The following MFAP3L variants were observed in gnomAD, a reference collection of about 807,000 sequenced individuals.
MFAP3L encodes microfibrillar-associated protein 3-like.
Under a neutral mutation model 20.0 loss-of-function variants are expected in MFAP3L, and 5 were observed. The ratio of observed to expected loss-of-function variants is 0.25; its 90% CI spans 0.13 to 0.53. The LOEUF is 0.53. Ranked by LOEUF, MFAP3L falls within the 20% of genes least tolerant of loss-of-function variation. The pLI is 0.96. For missense variants in MFAP3L, 409 were observed against 527.5 expected (o/e 0.78, Z 2.20); for synonymous variants, 219 against 213.0 (o/e 1.03, Z -0.25).
intron 1 of MFAP3L, among the ~76,000 whole-genome samples, chr4:170,020,680 T>C (rs75543899): frequency 0.16 from 20,088 of 125,326 alleles, 1,569 homozygotes; most frequent in South Asian, 0.34. Flanking sequence ...TCCTCCCATC[T>C]CCCCAACCCC....
chr4:170,003,733 A>G (rs756723803), intron 2 of MFAP3L: 5 of 985,462 alleles, frequency 5.1e-6, no homozygotes, highest in Non-Finnish European at 6.0e-6. Context: ...CCTTTGATTC[A>G]GTCACCGTGG....
At chr4:170,003,848 A>G in intron 2 of MFAP3L, 1 of 985,484 alleles carries the variant, frequency 1.0e-6, no homozygotes, top group South Asian at 4.7e-5. Flanking sequence ...GTGTGACATC[A>G]CTGCCTTCTG....
At chr4:170,018,908 T>C (rs908380094) in intron 1 of MFAP3L, among the ~76,000 whole-genome samples, 3 of 152,216 alleles carry the variant, frequency 2.0e-5, no homozygotes, top group Non-Finnish European at 4.4e-5. Flanking sequence ...TGCCTAGCTT[T>C]AGCGGTAAGC....
chr4:170,004,320 T>C (rs927738540), intron 2 of MFAP3L, among the ~76,000 whole-genome samples: 1 of 152,138 alleles, frequency 6.6e-6, no homozygotes, highest in Non-Finnish European at 1.5e-5. Flanking sequence ...TCAATGTGAG[T>C]TCTAATTTAA....
rs895675029 is a variant in MFAP3L, at chr4:169,990,680, G to C, written c.*698C>G. 3 of 152,456 alleles carry C rather than the reference G, an allele frequency of 2.0e-5. No individual in the cohort carries two copies. The highest frequency in any genetic ancestry group is 7.2e-5 in the African/African-American group (3 of 41,380). 9.4% of individuals were successfully genotyped at this position (152,456 alleles called of 1,614,324 possible). ...CTCAGTTTCGTTTAACAGCAGCTTC[G>C]TTGGAAACAAACAAAAAAAGCTATC... is the stretch of plus-strand genomic sequence containing the variant. On this transcript the variant is annotated 3_prime_UTR_variant, in exon 3 of 3. Transcript: ENST00000361618.
Position 169,992,382 on chromosome 4 carries a change from AGAACATCTAT to A in MFAP3L, c.299-83_299-74del, listed in dbSNP as rs1224005067. 1.6e-5 allele frequency: 21 copies of A among 1,296,124 alleles called. No individual in the cohort carries two copies. Among genetic ancestry groups the A allele is most frequent in the African/African-American group, 1.5e-4 (10 of 67,290 alleles). The allele number at this position is 1,296,124 out of a possible 1,614,324, so 80.3% of individuals were successfully genotyped here. ...ATGACTACAAACTGATACGTTTCTA[AGAACATCTAT>A]GAACATCTATGAAGAACATCTATGA... is the stretch of plus-strand genomic sequence containing the variant. On this transcript the variant is annotated intron_variant, in intron 2 of 2. Transcript: ENST00000361618. This position sits in a 1 kb window ranked among gnomAD's most constrained non-coding sequence, Gnocchi z 4.3.
rs1737757288 is a variant in MFAP3L at position 169,992,143 on chromosome 4, G to A, written c.465C>T (p.Val155=). ...CGATGGTGAAGGCCACCAGGCACACGACCATGTAGTAGACACCCATGTCTC... is the reference window on the plus strand; with the variant it reads ...CGATGGTGAAGGCCACCAGGCACACAACCATGTAGTAGACACCCATGTCTC... ...TSGDMGVYYM[V]VCLVAFTIVM... is the part of the protein sequence containing the mutation. The change falls in exon 3 of 3, where the codon GTC becomes GTT. Residue 155 remains valine, a synonymous_variant. Transcript: ENST00000361618. The surrounding 1 kb of genome is among the most constrained non-coding windows in gnomAD (Gnocchi z 4.3). The A allele has an allele frequency of 1.2e-6, 2 of 1,614,112 alleles. No homozygotes were observed. Among genetic ancestry groups the A allele is most frequent in the South Asian group, 1.1e-5 (1 of 91,054 alleles).
chr4:170,015,508 C>T (rs78661960), intron 1 of MFAP3L, among the ~76,000 whole-genome samples: 1,691 of 152,318 alleles, frequency 0.011, 36 homozygotes, highest in African/African-American at 0.039. Flanking sequence ...TTGTGCGCCA[C>T]GCAGCCTGTG....
At chr4:169,997,690 G>C (rs928585248) in intron 2 of MFAP3L, 1 of 984,716 alleles carries the variant, frequency 1.0e-6, no homozygotes, top group South Asian at 4.7e-5. Flanking sequence ...ACGGCTGCCT[G>C]GCTGGGTAGG....
intron 1 of MFAP3L, among the ~76,000 whole-genome samples, chr4:170,008,166 A>G (rs974554702): frequency 1.3e-5 from 2 of 152,126 alleles, no homozygotes; most frequent in Non-Finnish European, 2.9e-5. Flanking sequence ...ACCTTACGAG[A>G]TACAGAAGCA....
chr4:170,020,786 T>A (rs1179037272), intron 1 of MFAP3L, among the ~76,000 whole-genome samples: 1 of 152,016 alleles, frequency 6.6e-6, no homozygotes, highest in African/African-American at 2.4e-5. Flanking sequence ...AACCCCTAGC[T>A]TTGAGGTCTT....
At chr4:170,019,047 C>T (rs139304289) in intron 1 of MFAP3L, among the ~76,000 whole-genome samples, 5 of 152,354 alleles carry the variant, frequency 3.3e-5, no homozygotes, top group South Asian at 2.1e-4. Context: ...GGGAGCCAAA[C>T]ACTAACTTAG....
At chr4:170,018,448 G>A (rs1402157194) in intron 1 of MFAP3L, among the ~76,000 whole-genome samples, 1 of 152,126 alleles carries the variant, frequency 6.6e-6, no homozygotes, top group Admixed American at 6.5e-5. Context: ...AGAGGACTTT[G>A]GAACATTTGA....
At chr4:170,017,552 C>T (rs1170646471) in intron 1 of MFAP3L, among the ~76,000 whole-genome samples, 1 of 152,238 alleles carries the variant, frequency 6.6e-6, no homozygotes, top group East Asian at 1.9e-4. Context: ...CACATCTTCT[C>T]TCAGTCCAGG....
At chr4:169,996,410 C>T (rs1738168597) in intron 2 of MFAP3L, among the ~76,000 whole-genome samples, 2 of 152,004 alleles carry the variant, frequency 1.3e-5, no homozygotes, top group South Asian at 2.1e-4. Flanking sequence ...GAGTTAGACA[C>T]GACCCCTGAC....
At chr4:170,020,762 T>C (rs560481860) in intron 1 of MFAP3L, among the ~76,000 whole-genome samples, 10 of 151,914 alleles carry the variant, frequency 6.6e-5, no homozygotes, top group South Asian at 4.2e-4. Context: ...CTTCCTTACC[T>C]TGCACATCTG....
chr4:170,025,988 G>T (rs906378365), intron 1 of MFAP3L, among the ~76,000 whole-genome samples: 4 of 152,192 alleles, frequency 2.6e-5, no homozygotes, highest in Non-Finnish European at 2.9e-5. Flanking sequence ...TACGGTTCGA[G>T]CCCAGGATGC....
At chr4:170,022,600 T>C (rs1275756115) in intron 1 of MFAP3L, among the ~76,000 whole-genome samples, 1 of 152,182 alleles carries the variant, frequency 6.6e-6, no homozygotes, top group Non-Finnish European at 1.5e-5. Flanking sequence ...ATTTTGCAGT[T>C]CTGGGGCACG....
chr4:169,999,634 G>T (rs1738471403), intron 2 of MFAP3L, among the ~76,000 whole-genome samples: 1 of 152,176 alleles, frequency 6.6e-6, no homozygotes, highest in South Asian at 2.1e-4. Flanking sequence ...TATCTGAAAT[G>T]GATCTGGAAG....
Sources: gnomAD v4.1 joint callset for allele counts (sites outside exome capture counted in the v4.1 genomes callset) on GRCh38, gnomAD v4.1.1 for gene constraint, Gnocchi (gnomAD v3.1) non-coding constraint, MANE v1.5 for transcripts, NCBI Gene and HGNC (gene_info 2026-07-23, HGNC 2026-07-21) for gene names.